The following GRIP1 variants were observed in gnomAD, a reference collection of about 807,000 sequenced individuals.
The protein encoded by GRIP1 is glutamate receptor interacting protein 1, also known as glutamate receptor-interacting protein 1.
In GRIP1, 45 loss-of-function variants were observed where a neutral mutation model predicts 129.9. The observed-to-expected ratio is 0.35, with a 90% CI of 0.27 to 0.44. The LOEUF (loss-of-function observed/expected upper bound fraction) is 0.44, where lower values mean the gene tolerates loss of function less well. Among genes scored for constraint, GRIP1 ranks in the 20% least tolerant of loss-of-function variants. The pLI is 1.00. For synonymous variants in GRIP1, 530 were observed against 520.8 expected (o/e 1.02, Z -0.24); for missense variants, 1,196 against 1,396.8 (o/e 0.86, Z 2.29).
intron 2 of GRIP1, among the ~76,000 whole-genome samples, chr12:66,555,341 T>C (rs1225831592): frequency 6.6e-6 from 1 of 152,154 alleles, no homozygotes; most frequent in Non-Finnish European, 1.5e-5. Context: ...ATAGCATTAC[T>C]GGGCTTGGGG....
intron 5 of GRIP1, among the ~76,000 whole-genome samples, chr12:66,529,099 C>T (rs186447965): frequency 6.6e-6 from 1 of 152,130 alleles, no homozygotes; most frequent in Admixed American, 6.5e-5. Flanking sequence ...TGTGGTACCA[C>T]CTTATTCCTG....
chr12:66,522,060 A>C (rs1347912100), intron 5 of GRIP1, among the ~76,000 whole-genome samples: 3 of 152,334 alleles, frequency 2.0e-5, no homozygotes, highest in Admixed American at 6.5e-5. Flanking sequence ...CCTCTGTAGG[A>C]TCCACCTCTC....
At chr12:66,730,981 A>G (rs1480027) in intron 1 of GRIP1, among the ~76,000 whole-genome samples, 50,679 of 151,992 alleles carry the variant, frequency 0.33, 8,826 homozygotes, top group Non-Finnish European at 0.37. Flanking sequence ...TATTAACCTT[A>G]AAATAAAAGC....
At chr12:66,898,096 C>CA (rs1186948363) in intron 1 of GRIP1, among the ~76,000 whole-genome samples, 1 of 152,082 alleles carries the variant, frequency 6.6e-6, no homozygotes, top group African/African-American at 2.4e-5. Context: ...CCACATTCCC[C>CA]AAAAAATCTA....
intron 1 of GRIP1, among the ~76,000 whole-genome samples, chr12:66,901,508 T>C (rs1256458000): frequency 1.3e-5 from 2 of 152,230 alleles, no homozygotes; most frequent in Non-Finnish European, 2.9e-5. Flanking sequence ...ACAAGAGGCT[T>C]TCTTGTTTGC....
chr12:66,731,547 T>C (rs547190939), intron 1 of GRIP1, among the ~76,000 whole-genome samples: 1 of 152,310 alleles, frequency 6.6e-6, no homozygotes, highest in South Asian at 2.1e-4. Flanking sequence ...ATTGAAACTA[T>C]AAATAAACAT....
At chr12:67,024,774 A>AC (rs1357961156) in intron 1 of GRIP1, among the ~76,000 whole-genome samples, 1 of 148,780 alleles carries the variant, frequency 6.7e-6, no homozygotes, top group Non-Finnish European at 1.5e-5. Context: ...TGGTACAATG[A>AC]CAAAAAAAAG....
intron 1 of GRIP1, among the ~76,000 whole-genome samples, chr12:66,853,857 G>A (rs1455194627): frequency 1.3e-5 from 2 of 151,850 alleles, no homozygotes; most frequent in Non-Finnish European, 2.9e-5. Context: ...GAATATGATT[G>A]GTTCCTATCA....
At chr12:66,421,402 G>A (rs2137840695) in intron 14 of GRIP1, among the ~76,000 whole-genome samples, 1 of 152,264 alleles carries the variant, frequency 6.6e-6, no homozygotes, top group Middle Eastern at 3.4e-3. Flanking sequence ...AAATTAGAAA[G>A]GCATGGTGGC....
chr12:66,466,361 T>C (rs1178661348), intron 7 of GRIP1, among the ~76,000 whole-genome samples: 1 of 152,182 alleles, frequency 6.6e-6, no homozygotes, highest in Non-Finnish European at 1.5e-5. Flanking sequence ...CCTAGAATAA[T>C]GATTAGCACA....
chr12:66,929,530 T>C (rs12815385), intron 1 of GRIP1, among the ~76,000 whole-genome samples: 29,367 of 152,132 alleles, frequency 0.19, 3,292 homozygotes, highest in South Asian at 0.26. Context: ...GAGGTTCACA[T>C]ATGGAAGATG....
chr12:66,539,302 T>C (rs1294236740), intron 3 of GRIP1, 79 bp from the exon 4 acceptor site: 11 of 1,577,568 alleles, frequency 7.0e-6, no homozygotes, highest in Middle Eastern at 1.7e-4. Flanking sequence ...TTTCCCTTCA[T>C]GGTAAGCATG....
At position 66,392,394 on chromosome 12, in the gene GRIP1, T is replaced by C; in HGVS notation, c.2378A>G (p.Asp793Gly). The stretch of plus-strand genomic sequence containing the variant: ...ACTGGGCACCGTGGAGGGGTACATG[T>C]CGGAGAGCTTGCCTGGCTTCTGTGC... ...SPAQKPGKLS[D>G]MYPSTVPSVD... Residue 793 changes from aspartate (D) to glycine (G), a missense_variant, in exon 19 of 25, where the codon GAC (aspartate) becomes GGC (glycine). Transcript: ENST00000359742. The C allele has an allele frequency of 6.2e-7, 1 of 1,613,922 alleles. No individual in the cohort carries two copies. The highest frequency in any genetic ancestry group is 1.1e-5 in the South Asian group (1 of 91,078).
intron 1 of GRIP1, among the ~76,000 whole-genome samples, chr12:66,671,171 T>C (rs564636520): frequency 1.3e-5 from 2 of 152,332 alleles, no homozygotes; most frequent in Admixed American, 6.5e-5. Flanking sequence ...AACCCCTGAA[T>C]TGGGTGCTCA....
intron 1 of GRIP1, among the ~76,000 whole-genome samples, chr12:66,850,165 A>C (rs2039886664): frequency 6.6e-6 from 1 of 152,178 alleles, no homozygotes; most frequent in Non-Finnish European, 1.5e-5. Context: ...TACAAATCTA[A>C]GAGTCAAAAA....
At chr12:67,014,350 ACT>A (rs2042752818) in intron 1 of GRIP1, among the ~76,000 whole-genome samples, 1 of 152,168 alleles carries the variant, frequency 6.6e-6, no homozygotes, top group South Asian at 2.1e-4. Context: ...CTGTATCATA[ACT>A]GGTGGGGGCT....
At chr12:66,990,875 T>C (rs1041669887) in intron 1 of GRIP1, among the ~76,000 whole-genome samples, 3 of 150,064 alleles carry the variant, frequency 2.0e-5, no homozygotes, top group African/African-American at 4.9e-5. Context: ...ATGCCTGTAA[T>C]CCCAGCTACT....
At chr12:66,782,970 A>G (rs2038207409) in intron 1 of GRIP1, among the ~76,000 whole-genome samples, 4 of 152,174 alleles carry the variant, frequency 2.6e-5, no homozygotes, top group Admixed American at 2.0e-4. Flanking sequence ...ATTTTAACCA[A>G]GGGGCAATAC....
intron 1 of GRIP1, among the ~76,000 whole-genome samples, chr12:66,880,080 CAG>C (rs1372165371): frequency 6.6e-6 from 1 of 152,010 alleles, no homozygotes; most frequent in Non-Finnish European, 1.5e-5. Context: ...TGATGAGGCA[CAG>C]AGAGTAGGTA....
Sources: allele counts gnomAD v4.1 joint callset (sites outside exome capture counted in the v4.1 genomes callset), GRCh38; gene constraint gnomAD v4.1.1; transcripts MANE v1.5; gene names NCBI Gene and HGNC (gene_info 2026-07-23, HGNC 2026-07-21).